KDM5B: variants seen among roughly 807,000 people sequenced by gnomAD.
The protein encoded by KDM5B is lysine-specific demethylase 5B.
KDM5B carries 144 observed loss-of-function variants against 193.4 expected under a neutral mutation model. The ratio of observed to expected loss-of-function variants is 0.74; its 90% CI spans 0.65 to 0.86. KDM5B has a LOEUF of 0.86. KDM5B is among the 40% of genes least tolerant of loss of function. The probability of loss-of-function intolerance (pLI) is 0.00; values close to 1 mark genes in which losing one functional copy is unlikely to be tolerated. For missense variants in KDM5B, 1,833 were observed against 1,886.9 expected (o/e 0.97, Z 0.53); for synonymous variants, 668 against 682.6 (o/e 0.98, Z 0.33).
intron 9 of KDM5B, 142 bp from the exon 10 acceptor site, chr1:202,756,658 G>C (rs1326973919): frequency 1.9e-6 from 1 of 537,820 alleles, no homozygotes; most frequent in East Asian, 3.2e-5. Flanking sequence ...GGCAATTCAG[G>C]AAACCTCTAC....
intron 1 of KDM5B, among the ~76,000 whole-genome samples, chr1:202,780,337 C>T (rs1657148728): frequency 6.6e-6 from 1 of 152,056 alleles, no homozygotes. Context: ...CAGGCATGTA[C>T]CACCACCATG....
chr1:202,760,383 T>G (rs556446917), intron 8 of KDM5B, 32 bp downstream of exon 8: 1 of 1,508,620 alleles, frequency 6.6e-7, no homozygotes, highest in South Asian at 1.4e-5. Context: ...TAAAAAAATT[T>G]TTCTAGTGTT....
In KDM5B at chr1:202,762,712, T is replaced by G. The variant is rs1359602287; in HGVS notation, c.905A>C (p.Lys302Thr). The G allele has an allele frequency of 6.3e-7, 1 of 1,596,346 alleles. No homozygotes were observed. The highest frequency in any genetic ancestry group is 8.6e-7 in the Non-Finnish European group (1 of 1,163,992). The change falls in exon 7 of 27, where the codon AAA becomes ACA. Residue 302 changes from lysine (K) to threonine (T), a missense_variant. This residue lies in a region of KDM5B where 99 missense variants were observed against 162.4 expected (regional missense o/e 0.61). Transcript: ENST00000367265. ...GATGTCACTCACAGCATTGGTGGCT[T>G]TTTTAGATCGACTCTTGGGCTTTTC... is the stretch of plus-strand genomic sequence containing the variant. ...EKEKPKSRSK[K>T]ATNAVDLYVC... is the part of the protein sequence containing the mutation.
rs991267022 is a variant in KDM5B at position 202,749,097 on chromosome 1, G to A, written c.1864C>T (p.His622Tyr). 1 of 1,613,974 alleles carries A rather than the reference G, an allele frequency of 6.2e-7. No individual in the cohort carries two copies. Among genetic ancestry groups the A allele is most frequent in the Non-Finnish European group, 8.5e-7 (1 of 1,179,970 alleles). Residue 622 changes from histidine to tyrosine, a missense_variant, in exon 14 of 27, where the codon CAT becomes TAT. Around this residue, in one of 3 missense-constraint regions of KDM5B, gnomAD observed 1,379 missense variants for 1,349.6 expected, o/e 1.02. Transcript: ENST00000367265. ...TCGTGGGAAAACACACAATATCGAT[G>A]AAGCAAGCGATAATGCTCCACACAC... is the stretch of plus-strand genomic sequence containing the variant. ...RQCVEHYRLLHRYCVFSHDEM... is the reference protein window; with the variant it reads ...RQCVEHYRLLYRYCVFSHDEM...
chr1:202,750,800 AT>A, intron 12 of KDM5B, 22 bp from the exon 13 acceptor site: 2 of 1,609,030 alleles, frequency 1.2e-6, no homozygotes, highest in Non-Finnish European at 1.7e-6. Flanking sequence ...GAAATTGAAG[AT>A]TTTTGAGTTT....
intron 22 of KDM5B, among the ~76,000 whole-genome samples, chr1:202,734,655 G>A (rs1655029793): frequency 6.6e-6 from 1 of 152,210 alleles, no homozygotes; most frequent in Non-Finnish European, 1.5e-5. Flanking sequence ...AACCACAGAT[G>A]GAATGGAGGA....
chr1:202,750,031 A>C (rs1655728989), intron 13 of KDM5B, among the ~76,000 whole-genome samples: 1 of 152,206 alleles, frequency 6.6e-6, no homozygotes, highest in African/African-American at 2.4e-5. Flanking sequence ...CAAAGCCTTT[A>C]GACTGGAATT....
chr1:202,744,220 G>GA (rs1451233626), intron 16 of KDM5B, among the ~76,000 whole-genome samples: 2 of 152,240 alleles, frequency 1.3e-5, no homozygotes, highest in East Asian at 3.9e-4. Flanking sequence ...ACAATCATAT[G>GA]AAAAAAAGCT....
chr1:202,776,597 C>G (rs1479979364), intron 2 of KDM5B, among the ~76,000 whole-genome samples: 2 of 152,038 alleles, frequency 1.3e-5, no homozygotes, highest in Non-Finnish European at 2.9e-5. Flanking sequence ...CTCTGTCGCC[C>G]AGGCTGGAGT....
At chr1:202,805,303 G>A (rs1341810290) in intron 1 of KDM5B, among the ~76,000 whole-genome samples, 1 of 152,080 alleles carries the variant, frequency 6.6e-6, no homozygotes, top group Non-Finnish European at 1.5e-5. Flanking sequence ...ACTTAATCAC[G>A]TTTTCTCACA....
intron 16 of KDM5B, among the ~76,000 whole-genome samples, chr1:202,744,507 G>A (rs1245896562): frequency 6.6e-6 from 1 of 152,068 alleles, no homozygotes; most frequent in Non-Finnish European, 1.5e-5. Flanking sequence ...GCAGTGAGCC[G>A]AGATCGCACC....
intron 1 of KDM5B, chr1:202,796,384 T>C (rs1391260924): frequency 1.1e-5 from 3 of 262,916 alleles, no homozygotes. Context: ...CAGGACCCTG[T>C]GGAGTGGCCT....
intron 1 of KDM5B, among the ~76,000 whole-genome samples, chr1:202,779,779 G>A (rs1005031945): frequency 6.8e-6 from 1 of 147,656 alleles, no homozygotes; most frequent in African/African-American, 2.5e-5. Context: ...CTCCAGCCTG[G>A]GCGACAGAGT....
chr1:202,773,019 G>T (rs1656784416), intron 4 of KDM5B, 99 bp downstream of exon 4: 4 of 897,390 alleles, frequency 4.5e-6, no homozygotes, highest in Non-Finnish European at 6.9e-6. Flanking sequence ...TCTAAAACAA[G>T]GTCTTCCAAA....
intron 1 of KDM5B, among the ~76,000 whole-genome samples, chr1:202,802,524 C>G (rs1658117964): frequency 6.6e-6 from 1 of 152,128 alleles, no homozygotes; most frequent in Non-Finnish European, 1.5e-5. Flanking sequence ...TCCCGAGTAG[C>G]TGGGATTGCA....
intron 1 of KDM5B, among the ~76,000 whole-genome samples, chr1:202,777,965 A>T (rs978724777): frequency 2.0e-4 from 31 of 152,266 alleles, no homozygotes; most frequent in African/African-American, 7.2e-4. Flanking sequence ...ACCTGAGGTC[A>T]GGAGTTCAAG....
At chr1:202,729,216 A>G (rs1420705915) in intron 26 of KDM5B, 43 bp from the exon 27 acceptor site, 1 of 1,611,622 alleles carries the variant, frequency 6.2e-7, no homozygotes, top group Non-Finnish European at 8.5e-7. Context: ...AGAGGAAAAA[A>G]TGGATTCAAA....
chr1:202,764,738 G>T (rs549578433), intron 5 of KDM5B, among the ~76,000 whole-genome samples: 5 of 152,306 alleles, frequency 3.3e-5, no homozygotes, highest in Admixed American at 3.3e-4. Context: ...CAGCATTTTG[G>T]GGGGGCCAAG....
chr1:202,771,739 G>C (rs529466656), intron 4 of KDM5B, among the ~76,000 whole-genome samples: 3 of 151,708 alleles, frequency 2.0e-5, no homozygotes, highest in Admixed American at 1.3e-4. Context: ...GCACCACCAC[G>C]CTCAGCTAAT....
Sources: gnomAD v4.1 joint callset for allele counts (sites outside exome capture counted in the v4.1 genomes callset) on GRCh38, gnomAD v4.1.1 for gene constraint, gnomAD v4.1.1 regional missense constraint, MANE v1.5 for transcripts, NCBI Gene and HGNC (gene_info 2026-07-23, HGNC 2026-07-21) for gene names.